Variants in EDN3 observed in about 807,000 individuals in gnomAD.
EDN3 encodes the protein endothelin 3, also known as endothelin-3.
In EDN3, 9 loss-of-function variants were observed where a neutral mutation model predicts 21.4. That is an observed-to-expected ratio of 0.42 (90% confidence interval 0.25 to 0.73). The LOEUF is 0.73. Among genes scored for constraint, EDN3 ranks in the 30% least tolerant of loss-of-function variants. The pLI is 0.26. For synonymous variants in EDN3, 133 were observed against 126.2 expected (o/e 1.05, Z -0.36); for missense variants, 327 against 309.4 (o/e 1.06, Z -0.43).
intron 4 of EDN3, 96 bp from the exon 5 acceptor site, chr20:59,324,235 G>C: frequency 6.7e-7 from 1 of 1,502,014 alleles, no homozygotes. Context: ...GAGGCAGTGG[G>C]AAGACGTTCC....
chr20:59,321,229 T>G, intron 3 of EDN3, 36 bp downstream of exon 3: 1 of 1,612,190 alleles, frequency 6.2e-7, no homozygotes, highest in Non-Finnish European at 8.5e-7. Context: ...CATTTGCAGA[T>G]ATGCATCAAC....
intron 2 of EDN3, among the ~76,000 whole-genome samples, chr20:59,316,101 G>A (rs547124378): frequency 1.4e-4 from 22 of 152,246 alleles, no homozygotes; most frequent in Non-Finnish European, 2.8e-4. Context: ...CACGAGAATC[G>A]CTCAAACCCA....
intron 4 of EDN3, among the ~76,000 whole-genome samples, 168 bp from the exon 5 acceptor site, chr20:59,324,163 G>A (rs188763626): frequency 5.9e-4 from 90 of 152,312 alleles, no homozygotes; most frequent in Non-Finnish European, 1.0e-3. Context: ...TGGTAGGCTC[G>A]GAAATTGCTG....
chr20:59,320,820 C>G (rs375700841), intron 2 of EDN3, among the ~76,000 whole-genome samples, 197 bp from the exon 3 acceptor site: 72 of 152,338 alleles, frequency 4.7e-4, no homozygotes, highest in African/African-American at 1.7e-3. Context: ...CAACTCTCTT[C>G]CTGGGGGTTG....
rs1241847595 is a variant in EDN3 at position 59,305,624 on chromosome 20, C to A, written c.365+3902C>A. Reference sequence around the variant, plus strand: ...CCAGAGATATATATATGGAGAGAGACAAAGAGCAATTTTCAGAATTTGGCT... The same window carrying A: ...CCAGAGATATATATATGGAGAGAGAAAAAGAGCAATTTTCAGAATTTGGCT... On this transcript the variant is annotated intron_variant, in intron 2 of 4. Transcript: ENST00000337938. This position sits in a 1 kb window ranked among gnomAD's most constrained non-coding sequence, Gnocchi z 4.2. 2.0e-5 allele frequency among the ~76,000 whole-genome samples: 3 copies of A among 152,188 alleles called. No individual in the cohort carries two copies. Among genetic ancestry groups the A allele is most frequent in the African/African-American group, 7.2e-5 (3 of 41,438 alleles).
chr20:59,316,194 A>AC (rs957184742), intron 2 of EDN3, among the ~76,000 whole-genome samples: 1 of 152,138 alleles, frequency 6.6e-6, no homozygotes, highest in Admixed American at 6.5e-5. Flanking sequence ...CAAAACGAAA[A>AC]CAAAAACAAA....
chr20:59,300,645 G>T lies in EDN3; in HGVS notation c.-168G>T. On this transcript the variant is annotated 5_prime_UTR_variant, in exon 1 of 5. An upstream start codon of the reference 5' UTR is lost. Transcript: ENST00000337938. The stretch of plus-strand genomic sequence containing the variant: ...TGGGCAGCGCGCTCTGAAAGTTTAT[G>T]ACCGCCGCAGCCAACTCCTGGCCGG... 1 of 662,252 alleles carries T rather than the reference G, an allele frequency of 1.5e-6. No individual in the cohort carries two copies. The allele number at this position is 662,252 out of a possible 1,614,324, so 41.0% of individuals were successfully genotyped here. A position where few individuals can be genotyped will look rare whatever the true frequency, so the allele number is the denominator to read the frequency against.
intron 2 of EDN3, among the ~76,000 whole-genome samples, chr20:59,306,507 A>G (rs537823805): frequency 6.7e-6 from 1 of 150,078 alleles, no homozygotes; most frequent in African/African-American, 2.5e-5. Context: ...CCGGCTTCCC[A>G]GGCTGCCCTG....
Position 59,322,637 on chromosome 20 carries a change from C to T in EDN3, c.588+220C>T, listed in dbSNP as rs11570345. Among the ~76,000 whole-genome samples the T allele has an allele frequency of 7.2e-5, 11 of 152,176 alleles. No homozygotes were observed. The highest frequency in any genetic ancestry group is 2.6e-4 in the Admixed American group (4 of 15,278). On this transcript the variant is annotated intron_variant, in intron 4 of 4. Transcript: ENST00000337938. This position sits in a 1 kb window ranked among gnomAD's most constrained non-coding sequence, Gnocchi z 4.1. ...GCTGTGGACAGCTGCTGTCACTTGT[C>T]GGTCCCTGGCCACCCTGCTCTGTGT...
rs1989327744 is a variant in EDN3 at position 59,305,283 on chromosome 20, A to T, written c.365+3561A>T. Among the ~76,000 whole-genome samples, 1 of 152,202 alleles carries T rather than the reference A, an allele frequency of 6.6e-6. No individual in the cohort carries two copies. ...AAAATCAAAGTCCCAAATCAGAGAA[A>T]AACATATCCCATCCTATTGTCATGG... is the stretch of plus-strand genomic sequence containing the variant. On this transcript the variant is annotated intron_variant, in intron 2 of 4. Transcript: ENST00000337938. This position sits in a 1 kb window ranked among gnomAD's most constrained non-coding sequence, Gnocchi z 4.2.
Position 59,324,597 on chromosome 20 carries a change from T to TCC in EDN3, c.*138_*139insCC, listed in dbSNP as rs886056876. On this transcript the variant is annotated 3_prime_UTR_variant, in exon 5 of 5. Transcript: ENST00000337938. ...CACCCAAAGAGTCCCCACTTAACAATACCCCCCCCCCACGGCAAGAATGCC... is the reference window on the plus strand; with the variant it reads ...CACCCAAAGAGTCCCCACTTAACAATCCACCCCCCCCCCACGGCAAGAATGCC... 2 of 1,089,564 alleles carry TCC rather than the reference T, an allele frequency of 1.8e-6. No homozygotes were observed. Among genetic ancestry groups the TCC allele is most frequent in the Non-Finnish European group, 1.3e-6 (1 of 768,322 alleles). The allele number at this position is 1,089,564 out of a possible 1,614,324, so 67.5% of individuals were successfully genotyped here.
intron 2 of EDN3, among the ~76,000 whole-genome samples, chr20:59,309,440 A>G (rs746188539): frequency 2.6e-5 from 4 of 152,148 alleles, no homozygotes; most frequent in Admixed American, 1.3e-4. Flanking sequence ...AGTGGGTGTC[A>G]CCAACTGGGA....
intron 2 of EDN3, 63 bp downstream of exon 2, chr20:59,301,785 C>T (rs1284555088): frequency 2.6e-6 from 4 of 1,565,032 alleles, no homozygotes; most frequent in Non-Finnish European, 2.6e-6. Flanking sequence ...TGCTCATTCC[C>T]AGGAGGACCT....
intron 2 of EDN3, among the ~76,000 whole-genome samples, chr20:59,310,745 A>G (rs568255431): frequency 6.4e-4 from 97 of 152,316 alleles, no homozygotes; most frequent in African/African-American, 2.2e-3. Context: ...TTTCATATGC[A>G]TTGATGACAA....
intron 2 of EDN3, among the ~76,000 whole-genome samples, chr20:59,314,100 G>A (rs749120433): frequency 2.6e-5 from 4 of 152,146 alleles, no homozygotes; most frequent in Non-Finnish European, 4.4e-5. Flanking sequence ...AGTGGGCAGC[G>A]GGCACACCTG....
chr20:59,312,836 C>T (rs1484526728), intron 2 of EDN3, among the ~76,000 whole-genome samples: 1 of 152,086 alleles, frequency 6.6e-6, no homozygotes, highest in Non-Finnish European at 1.5e-5. Flanking sequence ...CCCAGCCAGC[C>T]CTTTTGTTTC....
Position 59,300,624 on chromosome 20 carries a change from C to T in EDN3, c.-189C>T. ...CCGGCCAGCTCCGCGCAGGGATGGG[C>T]AGCGCGCTCTGAAAGTTTATGACCG... On this transcript the variant is annotated 5_prime_UTR_variant, in exon 1 of 5. Transcript: ENST00000337938. 1.6e-6 allele frequency: 1 copy of T among 617,308 alleles called. No individual in the cohort carries two copies. Among genetic ancestry groups the T allele is most frequent in the Non-Finnish European group, 2.8e-6 (1 of 353,376 alleles). 38.2% of individuals were successfully genotyped at this position (617,308 alleles called of 1,614,324 possible).
At position 59,324,397 on chromosome 20, in the gene EDN3, A is replaced by G; in HGVS notation, c.655A>G (p.Ser219Gly). The stretch of plus-strand genomic sequence containing the variant: ...CCACCATCCAAAGCTCATGCCCGGC[A>G]GTGGACTCGCCCTCGCTCCATCTAC... ...DLHHPKLMPG[S>G]GLALAPSTCP... The change falls in exon 5 of 5, where the codon AGT becomes GGT. Residue 219 changes from serine to glycine, a missense_variant. Transcript: ENST00000337938. The G allele has an allele frequency of 6.2e-7, 1 of 1,614,146 alleles. No individual in the cohort carries two copies. Among genetic ancestry groups the G allele is most frequent in the Non-Finnish European group, 8.5e-7 (1 of 1,180,022 alleles).
At chr20:59,300,987 C>A in intron 1 of EDN3, 123 bp downstream of exon 1, 1 of 1,164,482 alleles carries the variant, frequency 8.6e-7, no homozygotes, top group Middle Eastern at 2.8e-4. Flanking sequence ...GGGCTCTGCA[C>A]TCGTGAAGAC....
Sources: allele counts gnomAD v4.1 joint callset (sites outside exome capture counted in the v4.1 genomes callset), GRCh38; gene constraint gnomAD v4.1.1; non-coding constraint Gnocchi (gnomAD v3.1); transcripts MANE v1.5; gene names NCBI Gene and HGNC (gene_info 2026-07-23, HGNC 2026-07-21).